Variants in DNAH3 observed in about 807,000 individuals in gnomAD.
DNAH3 encodes axonemal beta dynein heavy chain 3.
DNAH3 carries 332 observed loss-of-function variants against 432.5 expected under a neutral mutation model. The ratio of observed to expected loss-of-function variants is 0.77; its 90% confidence interval spans 0.70 to 0.84. DNAH3 has a LOEUF of 0.84. DNAH3 is among the 40% of genes least tolerant of loss of function. DNAH3 has a pLI of 0.00. For synonymous variants in DNAH3, 1,956 were observed against 1,900.2 expected (o/e 1.03, Z -0.76); for missense variants, 4,861 against 5,114.0 (o/e 0.95, Z 1.51).
rs61475224 is a variant in DNAH3, at chr16:20,984,029, G to GAAAA, written c.7665+1044_7665+1047dup. 1.8e-3 allele frequency among the ~76,000 whole-genome samples: 203 copies of GAAAA among 112,130 alleles called. 2 individuals carry two copies. The highest frequency in any genetic ancestry group is 4.5e-3 in the Admixed American group (47 of 10,380). The allele number at this position is 112,130 out of a possible 152,430, so 73.6% of individuals were successfully genotyped here. On this transcript the variant is annotated intron_variant, in intron 48 of 61. Coordinates refer to ENST00000261383, the Ensembl canonical transcript of DNAH3. ...GTGACAGAGCAAGACCCTATATCCA[G>GAAAA]AAAAAAAAAAAAAAAAGACAGAAAG...
intron 54 of DNAH3, among the ~76,000 whole-genome samples, chr16:20,956,139 G>A (rs975362186): frequency 4.6e-5 from 7 of 152,058 alleles, no homozygotes; most frequent in Non-Finnish European, 4.4e-5. Flanking sequence ...TGATAGCCAG[G>A]CTGGCTTTGA....
chr16:21,110,322 T>C (rs1342549024), intron 14 of DNAH3, among the ~76,000 whole-genome samples: 1 of 152,190 alleles, frequency 6.6e-6, no homozygotes, highest in African/African-American at 2.4e-5. Context: ...TTGGCCAGTG[T>C]TTGATTCAAT....
chr16:20,987,251 G>C, intron 47 of DNAH3, 54 bp downstream of exon 47: 5 of 1,600,444 alleles, frequency 3.1e-6, no homozygotes, highest in Non-Finnish European at 4.3e-6. Context: ...AAAGTAACGT[G>C]GTTAAACACT....
intron 1 of DNAH3, among the ~76,000 whole-genome samples, chr16:21,146,745 CCT>C (rs995081089): frequency 6.7e-6 from 1 of 149,236 alleles, no homozygotes; most frequent in African/African-American, 2.5e-5. Flanking sequence ...CCCTTCCACT[CCT>C]GTTTCTTTTT....
At chr16:21,134,979 C>T (rs1029817377) in intron 6 of DNAH3, among the ~76,000 whole-genome samples, 5 of 152,178 alleles carry the variant, frequency 3.3e-5, no homozygotes, top group Non-Finnish European at 5.9e-5. Flanking sequence ...TGAGCTAGCA[C>T]ACCTGGCCTT....
rs2092283633 is a variant in DNAH3 at position 21,119,409 on chromosome 16, A to G, written c.1699+1331T>C. Reference sequence around the variant, plus strand: ...CACTTTGGGAGGCAGAGGCAGGCAGATCGCTTGAGCTCACGAGTTCAAGAC... The same window carrying G: ...CACTTTGGGAGGCAGAGGCAGGCAGGTCGCTTGAGCTCACGAGTTCAAGAC... On this transcript the variant is annotated intron_variant, in intron 11 of 61. Transcript: ENST00000261383. Among the ~76,000 whole-genome samples the G allele has an allele frequency of 2.0e-5, 3 of 151,918 alleles. No homozygotes were observed. In the East Asian group the frequency reaches 5.8e-4, roughly 30 times the overall value.
chr16:21,061,230 C>CTT (rs1475160407), intron 25 of DNAH3, among the ~76,000 whole-genome samples: 1 of 118,062 alleles, frequency 8.5e-6, no homozygotes, highest in African/African-American at 2.9e-5. Context: ...GGGCGATAGG[C>CTT]CTTTTTTTTT....
intron 1 of DNAH3, among the ~76,000 whole-genome samples, chr16:21,157,183 T>G (rs1597509613): frequency 6.6e-6 from 1 of 152,136 alleles, no homozygotes; most frequent in East Asian, 1.9e-4. Context: ...CAGGATTCTG[T>G]GGTTTATCAT....
At chr16:21,034,736 GGTGA>G (rs1473562179) in intron 35 of DNAH3, among the ~76,000 whole-genome samples, 13 of 152,192 alleles carry the variant, frequency 8.5e-5, no homozygotes, top group Admixed American at 5.9e-4. Flanking sequence ...TCACCTTGGA[GGTGA>G]GTAATAAGAA....
At chr16:21,028,417 T>C (rs1302535608) in intron 37 of DNAH3, among the ~76,000 whole-genome samples, 1 of 151,702 alleles carries the variant, frequency 6.6e-6, no homozygotes, top group Non-Finnish European at 1.5e-5. Flanking sequence ...GCACAGCACT[T>C]TGGGAGGCCG....
chr16:20,948,455 G>A, intron 57 of DNAH3, 28 bp downstream of exon 57: 2 of 1,607,556 alleles, frequency 1.2e-6, no homozygotes, highest in Non-Finnish European at 1.7e-6. Flanking sequence ...GTGGGGGAAA[G>A]AGGTAGGCCT....
intron 44 of DNAH3, 64 bp downstream of exon 44, chr16:20,997,219 A>C: frequency 6.5e-7 from 1 of 1,541,046 alleles, no homozygotes; most frequent in Non-Finnish European, 8.8e-7. Flanking sequence ...CCCACCTTTC[A>C]TAAAGGTGGC....
At chr16:21,099,468 T>C (rs2091781508) in intron 16 of DNAH3, among the ~76,000 whole-genome samples, 1 of 152,204 alleles carries the variant, frequency 6.6e-6, no homozygotes, top group African/African-American at 2.4e-5. Flanking sequence ...CAAAGATTTA[T>C]CAACTTCATC....
intron 50 of DNAH3, 116 bp downstream of exon 50, chr16:20,979,214 C>A: frequency 1.2e-6 from 1 of 862,956 alleles, no homozygotes; most frequent in Non-Finnish European, 1.8e-6. Flanking sequence ...TCTGCAAATG[C>A]AGGGTCACAT....
chr16:21,142,654 CTT>C (rs11336320), intron 3 of DNAH3, among the ~76,000 whole-genome samples: 179 of 136,344 alleles, frequency 1.3e-3, no homozygotes, highest in African/African-American at 1.7e-3. Context: ...TACAAAAATC[CTT>C]TTTTTTTTTT....
intron 18 of DNAH3, among the ~76,000 whole-genome samples, chr16:21,094,741 C>G (rs2091630874): frequency 6.6e-6 from 1 of 152,028 alleles, no homozygotes; most frequent in Admixed American, 6.6e-5. Flanking sequence ...ATTCAAATGT[C>G]ATCTAGAATT....
intron 44 of DNAH3, among the ~76,000 whole-genome samples, chr16:20,994,925 C>G (rs973483991): frequency 1.3e-5 from 2 of 151,580 alleles, no homozygotes; most frequent in Admixed American, 6.6e-5. Flanking sequence ...TGTGTTCCTC[C>G]TAGTTTTTGG....
At chr16:21,010,900 T>TG (rs71794592) in intron 41 of DNAH3, among the ~76,000 whole-genome samples, 2,157 of 141,962 alleles carry the variant, frequency 0.015, 50 homozygotes, top group African/African-American at 0.053. Context: ...TTTTTTTTTT[T>TG]TGTTTTTTTT....
intron 3 of DNAH3, among the ~76,000 whole-genome samples, chr16:21,144,142 G>A (rs2152831223): frequency 6.6e-6 from 1 of 152,286 alleles, no homozygotes; most frequent in South Asian, 2.1e-4. Flanking sequence ...GCTGTGGTAA[G>A]CAGCTTCCAA....
Sources: gnomAD v4.1 joint callset for allele counts (sites outside exome capture counted in the v4.1 genomes callset) on GRCh38, gnomAD v4.1.1 for gene constraint, MANE v1.5 for transcripts, NCBI Gene and HGNC (gene_info 2026-07-23, HGNC 2026-07-21) for gene names.